Variants in DIS3L2 observed in about 807,000 individuals in gnomAD.
DIS3L2 encodes DIS3 like 3'-5' exoribonuclease 2.
A neutral mutation model predicts 97.5 loss-of-function variants in DIS3L2; 34 were observed. The observed-to-expected ratio is 0.35, with a 90% confidence interval of 0.27 to 0.46. The LOEUF is 0.46. Among genes scored for constraint, DIS3L2 ranks in the 20% least tolerant of loss-of-function variants. DIS3L2 has a pLI of 1.00. For missense variants in DIS3L2, 1,038 were observed against 1,146.0 expected (o/e 0.91, Z 1.36); for synonymous variants, 435 against 445.2 (o/e 0.98, Z 0.29).
chr2:232,041,865 A>C (rs1695118672), intron 5 of DIS3L2, among the ~76,000 whole-genome samples: 1 of 152,186 alleles, frequency 6.6e-6, no homozygotes, highest in African/African-American at 2.4e-5. Flanking sequence ...GGACTCATTT[A>C]TTTCTCCCAC....
intron 1 of DIS3L2, among the ~76,000 whole-genome samples, chr2:231,988,769 C>T (rs1693492528): frequency 6.6e-6 from 1 of 151,778 alleles, no homozygotes; most frequent in South Asian, 2.1e-4. Flanking sequence ...AATACTTTCC[C>T]AAGACTAAGG....
At chr2:232,220,265 C>T (rs989425301) in intron 10 of DIS3L2, among the ~76,000 whole-genome samples, 3 of 151,888 alleles carry the variant, frequency 2.0e-5, no homozygotes, top group Non-Finnish European at 2.9e-5. Flanking sequence ...GCCAAGATGG[C>T]GCCACTGCAC....
At chr2:232,018,245 C>T (rs538211068) in intron 3 of DIS3L2, among the ~76,000 whole-genome samples, 69 of 151,744 alleles carry the variant, frequency 4.5e-4, no homozygotes, top group Non-Finnish European at 8.1e-4. Context: ...TGAAGCAACT[C>T]GTTGCTGATA....
At chr2:232,157,876 G>A (rs1690540403) in intron 8 of DIS3L2, among the ~76,000 whole-genome samples, 3 of 152,198 alleles carry the variant, frequency 2.0e-5, no homozygotes, top group Non-Finnish European at 1.5e-5. Flanking sequence ...CAGCGATGGG[G>A]ACATACACGG....
rs1159140399 is a variant in DIS3L2 at position 232,086,613 on chromosome 2, G to GTATA, written c.367-861_367-858dup. Among the ~76,000 whole-genome samples the GTATA allele has an allele frequency of 1.3e-3, 134 of 103,742 alleles. 3 individuals are homozygous for GTATA. The highest frequency in any genetic ancestry group is 4.6e-3 in the Middle Eastern group (1 of 218). The allele number at this position is 103,742 out of a possible 152,430, so 68.1% of individuals were successfully genotyped here. The stretch of plus-strand genomic sequence containing the variant: ...TATATATATATATATGTGTGTGTGT[G>GTATA]TATATATATATATATACACATATAT... On this transcript the variant is annotated intron_variant, in intron 5 of 20. Coordinates refer to ENST00000325385, the MANE Select transcript of DIS3L2 (RefSeq NM_152383.5).
chr2:232,308,925 C>T (rs1292142879), intron 14 of DIS3L2, among the ~76,000 whole-genome samples: 2 of 152,082 alleles, frequency 1.3e-5, no homozygotes, highest in African/African-American at 2.4e-5. Context: ...GTGATGGGTT[C>T]GTTCAGGTGC....
At chr2:232,332,520 C>G (rs1338829621) in intron 16 of DIS3L2, among the ~76,000 whole-genome samples, 1 of 151,308 alleles carries the variant, frequency 6.6e-6, no homozygotes, top group East Asian at 1.9e-4. Context: ...GGCAGTAGCA[C>G]TGGCCCTGAC....
intron 10 of DIS3L2, among the ~76,000 whole-genome samples, chr2:232,223,938 A>G (rs1247142440): frequency 6.6e-6 from 1 of 152,184 alleles, no homozygotes. Context: ...AATTACAACA[A>G]TTAGCTGGAT....
intron 1 of DIS3L2, among the ~76,000 whole-genome samples, chr2:232,004,143 G>T (rs1693984132): frequency 6.6e-6 from 1 of 151,964 alleles, no homozygotes; most frequent in African/African-American, 2.4e-5. Flanking sequence ...CATGATCTTG[G>T]CTCACTGCAA....
At chr2:232,078,563 A>G (rs977138210) in intron 5 of DIS3L2, among the ~76,000 whole-genome samples, 4 of 152,192 alleles carry the variant, frequency 2.6e-5, no homozygotes, top group African/African-American at 9.7e-5. Flanking sequence ...TTTCTAACCC[A>G]CATACCCTTG....
intron 13 of DIS3L2, among the ~76,000 whole-genome samples, chr2:232,294,381 G>A (rs755475907): frequency 6.6e-6 from 1 of 152,174 alleles, no homozygotes; most frequent in Non-Finnish European, 1.5e-5. Context: ...CTATGCATCC[G>A]TGTTTGCTAC....
At chr2:232,027,784 T>C (rs868847272) in intron 4 of DIS3L2, among the ~76,000 whole-genome samples, 3 of 152,218 alleles carry the variant, frequency 2.0e-5, no homozygotes, top group African/African-American at 7.2e-5. Flanking sequence ...GAGTAACTTA[T>C]GTGTACTTGC....
chr2:232,161,804 C>T (rs1417984435), intron 8 of DIS3L2, among the ~76,000 whole-genome samples: 1 of 150,696 alleles, frequency 6.6e-6, no homozygotes, highest in Non-Finnish European at 1.5e-5. Flanking sequence ...GAGACAGTCT[C>T]ACTCTGTCAC....
intron 5 of DIS3L2, among the ~76,000 whole-genome samples, chr2:232,074,310 T>C (rs1696121373): frequency 6.6e-6 from 1 of 152,220 alleles, no homozygotes; most frequent in Non-Finnish European, 1.5e-5. Context: ...CTTATGGACA[T>C]GCATTTTAAT....
At chr2:232,025,985 G>A (rs1166175484) in intron 4 of DIS3L2, among the ~76,000 whole-genome samples, 2 of 152,104 alleles carry the variant, frequency 1.3e-5, no homozygotes, top group African/African-American at 2.4e-5. Flanking sequence ...TGGGAACTGG[G>A]TATATTCAGA....
At chr2:231,965,946 A>G (rs1692697160) in intron 1 of DIS3L2, among the ~76,000 whole-genome samples, 1 of 151,734 alleles carries the variant, frequency 6.6e-6, no homozygotes, top group South Asian at 2.1e-4. Context: ...AACCTCCCGA[A>G]GTTCTGGGAT....
At chr2:232,067,459 A>G (rs1014177071) in intron 5 of DIS3L2, among the ~76,000 whole-genome samples, 7 of 152,212 alleles carry the variant, frequency 4.6e-5, no homozygotes, top group Non-Finnish European at 1.0e-4. Context: ...ATATCATACT[A>G]CTATTCATTT....
chr2:232,337,027 G>A lies in DIS3L2; in HGVS notation c.*397G>A. 1 of 1,076,736 alleles carries A rather than the reference G, an allele frequency of 9.3e-7. No individual in the cohort carries two copies. The highest frequency in any genetic ancestry group is 2.6e-5 in the South Asian group (1 of 37,876). The allele number at this position is 1,076,736 out of a possible 1,614,324, so 66.7% of individuals were successfully genotyped here. A position where few individuals can be genotyped will look rare whatever the true frequency, so the allele number is the denominator to read the frequency against. On this transcript the variant is annotated 3_prime_UTR_variant, in exon 21 of 21. Transcript: ENST00000325385. The stretch of plus-strand genomic sequence containing the variant: ...AAGCCTGGGCAGCAGAATGCCCCTT[G>A]CACCCAGGGCAAGGGACCCAGTTCA...
At position 232,336,583 on chromosome 2, in the gene DIS3L2, G is replaced by A. The variant is rs762005896; in HGVS notation, c.2611G>A (p.Glu871Lys). 5 of 1,608,482 alleles carry A rather than the reference G, an allele frequency of 3.1e-6. No homozygotes were observed. In the South Asian group the frequency reaches 4.4e-5, roughly 14 times the overall value. Residue 871 changes from glutamate (E) to lysine (K), a missense_variant, in exon 21 of 21, where the codon GAG (glutamate) becomes AAG (lysine). Coordinates refer to ENST00000325385, the MANE Select transcript of DIS3L2 (RefSeq NM_152383.5). ...GTQGHLGPEK[E>K]EEESDGEPED... is the part of the protein sequence containing the mutation. ...CCAGGGCCACCTGGGCCCTGAGAAG[G>A]AGGAGGAGGAGTCTGACGGTGAGCC...
Sources: allele counts gnomAD v4.1 joint callset (sites outside exome capture counted in the v4.1 genomes callset), GRCh38; gene constraint gnomAD v4.1.1; transcripts MANE v1.5; gene names NCBI Gene and HGNC (gene_info 2026-07-23, HGNC 2026-07-21).